SNX29: variants seen among roughly 807,000 people sequenced by gnomAD.
The protein encoded by SNX29 is sorting nexin 29.
SNX29 carries 78 observed loss-of-function variants against 102.1 expected under a neutral mutation model. The observed-to-expected ratio is 0.76, with a 90% CI of 0.64 to 0.92. The LOEUF (loss-of-function observed/expected upper bound fraction) is 0.92, where lower values mean the gene tolerates loss of function less well. SNX29 is among the 40% of genes least tolerant of loss of function. The pLI, the probability that SNX29 is intolerant of heterozygous loss-of-function variation, is 0.00. For synonymous variants in SNX29, 580 were observed against 414.5 expected (o/e 1.40, Z -4.85); for missense variants, 1,280 against 1,061.7 (o/e 1.21, Z -2.86).
At position 12,042,976 on chromosome 16, in the gene SNX29, C is replaced by G; in HGVS notation, c.327C>G (p.Ala109=). 6.2e-7 allele frequency: 1 copy of G among 1,613,930 alleles called. No homozygotes were observed. The highest frequency in any genetic ancestry group is 8.5e-7 in the Non-Finnish European group (1 of 1,179,872). Residue 109 remains alanine, a synonymous_variant, in exon 5 of 21, where the codon GCC becomes GCG. Transcript: ENST00000566228. ...LQRFYSLRHI[A]SDVGRGRAWL... ...GCTTCTACTCCCTGCGCCACATCGC[C>G]TCAGACGTGGGCCGGGGTCGCGCCT...
intron 19 of SNX29, among the ~76,000 whole-genome samples, chr16:12,522,452 A>G (rs530841170): frequency 3.9e-5 from 6 of 152,266 alleles, no homozygotes; most frequent in Middle Eastern, 3.4e-3. Context: ...TTTTAGAGGC[A>G]GTGATGTGGT....
chr16:12,079,774 C>G (rs1032457347), intron 11 of SNX29, among the ~76,000 whole-genome samples: 1 of 152,192 alleles, frequency 6.6e-6, no homozygotes, highest in Non-Finnish European at 1.5e-5. Context: ...GAGACCGGGA[C>G]TCCTCCTGTC....
intron 15 of SNX29, among the ~76,000 whole-genome samples, chr16:12,304,817 T>G (rs1013143210): frequency 6.6e-6 from 1 of 152,238 alleles, no homozygotes; most frequent in African/African-American, 2.4e-5. Flanking sequence ...AACTATAAAC[T>G]CTCATTTACC....
chr16:12,102,741 T>C (rs2053074819), intron 11 of SNX29, among the ~76,000 whole-genome samples: 1 of 152,116 alleles, frequency 6.6e-6, no homozygotes, highest in Non-Finnish European at 1.5e-5. Flanking sequence ...AAATAAAGGG[T>C]ATTCAGATAG....
At chr16:12,086,079 G>C (rs350266) in intron 11 of SNX29, among the ~76,000 whole-genome samples, 42,512 of 149,004 alleles carry the variant, frequency 0.29, 6,203 homozygotes, top group South Asian at 0.39. Context: ...TCTCGGCTCA[G>C]TGCAAGCTCC....
intron 13 of SNX29, among the ~76,000 whole-genome samples, chr16:12,172,500 A>G (rs1208688749): frequency 2.0e-5 from 3 of 152,130 alleles, no homozygotes; most frequent in African/African-American, 7.2e-5. Context: ...CTTGGTCACC[A>G]TCCTTCACCT....
chr16:12,419,918 T>C (rs2084804398), intron 18 of SNX29, among the ~76,000 whole-genome samples: 1 of 152,174 alleles, frequency 6.6e-6, no homozygotes, highest in Non-Finnish European at 1.5e-5. Flanking sequence ...AGGGAGATGG[T>C]GTTTAACTGG....
intron 13 of SNX29, among the ~76,000 whole-genome samples, chr16:12,135,936 CG>C (rs957616520): frequency 1.3e-5 from 2 of 152,206 alleles, no homozygotes; most frequent in African/African-American, 2.4e-5. Context: ...AAGTGTTCCT[CG>C]GGGGGAGCCC....
At chr16:12,029,449 T>C (rs974167898) in intron 4 of SNX29, among the ~76,000 whole-genome samples, 4 of 152,278 alleles carry the variant, frequency 2.6e-5, no homozygotes, top group African/African-American at 9.6e-5. Context: ...TGGCTTGCTG[T>C]CTTTGTAGCC....
intron 14 of SNX29, among the ~76,000 whole-genome samples, chr16:12,224,743 G>A (rs954501289): frequency 7.2e-5 from 11 of 152,254 alleles, no homozygotes; most frequent in Non-Finnish European, 1.0e-4. Context: ...TAGTAAGCAG[G>A]CACAAAACCA....
chr16:12,440,648 G>C (rs1046553324), intron 18 of SNX29, among the ~76,000 whole-genome samples: 3 of 146,222 alleles, frequency 2.1e-5, no homozygotes, highest in Non-Finnish European at 4.5e-5. Flanking sequence ...TGTGTCACGT[G>C]TTCTCATCCT....
chr16:12,450,423 C>T (rs1218449069), intron 18 of SNX29, among the ~76,000 whole-genome samples: 1 of 152,174 alleles, frequency 6.6e-6, no homozygotes, highest in Non-Finnish European at 1.5e-5. Flanking sequence ...AACTTGACTT[C>T]AAGTCAGTGA....
At chr16:12,425,509 A>G (rs1000799485) in intron 18 of SNX29, among the ~76,000 whole-genome samples, 1 of 145,558 alleles carries the variant, frequency 6.9e-6, no homozygotes, top group African/African-American at 2.6e-5. Context: ...TCAAGTCCAC[A>G]CTACCCAAAT....
Position 12,571,169 on chromosome 16 carries a change from T to G in SNX29, c.*2540T>G, listed in dbSNP as rs1425949350. 4.3e-6 allele frequency: 1 copy of G among 232,530 alleles called. No individual in the cohort carries two copies. Among genetic ancestry groups the G allele is most frequent in the African/African-American group, 2.2e-5 (1 of 45,266 alleles). 14.4% of individuals were successfully genotyped at this position (232,530 alleles called of 1,614,324 possible). On this transcript the variant is annotated 3_prime_UTR_variant, in exon 21 of 21. Coordinates refer to ENST00000566228, the MANE Select transcript of SNX29 (RefSeq NM_032167.5). ...GCTGCTCAGAAGAATCCCGTCCTGC[T>G]CTCTAGTGTGGTGGGATGAACTTCA...
intron 19 of SNX29, among the ~76,000 whole-genome samples, chr16:12,501,338 A>T (rs1048830259): frequency 6.6e-6 from 1 of 152,174 alleles, no homozygotes; most frequent in Non-Finnish European, 1.5e-5. Flanking sequence ...TAGGAGTTCA[A>T]GGCTTCAGTG....
chr16:12,289,925 T>C (rs1376960759), intron 15 of SNX29, among the ~76,000 whole-genome samples: 1 of 152,070 alleles, frequency 6.6e-6, no homozygotes, highest in African/African-American at 2.4e-5. Flanking sequence ...GGCAGGGCTG[T>C]CCTGAATGCT....
intron 14 of SNX29, among the ~76,000 whole-genome samples, chr16:12,221,117 TTC>T (rs2077465411): frequency 9.4e-5 from 13 of 138,960 alleles, no homozygotes; most frequent in South Asian, 4.2e-4. Context: ...TTTTTTTTTC[TTC>T]TTCTTCTTCA....
chr16:12,133,228 G>T (rs547736954), intron 13 of SNX29, among the ~76,000 whole-genome samples: 2 of 147,634 alleles, frequency 1.4e-5, no homozygotes, highest in Non-Finnish European at 3.0e-5. Flanking sequence ...CTTACTAGTT[G>T]TGTGACCTTG....
intron 15 of SNX29, among the ~76,000 whole-genome samples, chr16:12,298,238 T>C (rs564993461): frequency 6.6e-6 from 1 of 152,314 alleles, no homozygotes; most frequent in East Asian, 1.9e-4. Flanking sequence ...AATTCAATGC[T>C]CAGTGAATAA....
Sources: allele counts gnomAD v4.1 joint callset (sites outside exome capture counted in the v4.1 genomes callset), GRCh38; gene constraint gnomAD v4.1.1; transcripts MANE v1.5; gene names NCBI Gene and HGNC (gene_info 2026-07-23, HGNC 2026-07-21).